Variants in SQSTM1 observed in about 807,000 individuals in gnomAD.
SQSTM1 encodes sequestosome 1.
Under a neutral mutation model 45.1 loss-of-function variants are expected in SQSTM1, and 36 were observed. The ratio of observed to expected loss-of-function variants is 0.80; its 90% CI spans 0.61 to 1.05. The LOEUF is 1.05. Ranked by LOEUF, SQSTM1 falls within the 50% of genes least tolerant of loss-of-function variation. The probability of loss-of-function intolerance (pLI) is 0.00; values close to 1 mark genes in which losing one functional copy is unlikely to be tolerated. For missense variants in SQSTM1, 617 were observed against 607.1 expected, an observed-to-expected ratio of 1.02 and a Z score of -0.17; for synonymous variants, 290 against 244.3, an observed-to-expected ratio of 1.19 and a Z score of -1.74.
chr5:179,832,050 T>C lies in SQSTM1; in HGVS notation c.755-982T>C, dbSNP rs368739474. Reference sequence around the variant, plus strand: ...CGCCCGCCTCGGCCTCCCAAAGTGCTGGGATTACAGGCGTGAGCCACTGCG... The same window carrying C: ...CGCCCGCCTCGGCCTCCCAAAGTGCCGGGATTACAGGCGTGAGCCACTGCG... On this transcript the variant is annotated intron_variant, in intron 5 of 7. Transcript: ENST00000389805. Among the ~76,000 whole-genome samples the C allele has an allele frequency of 2.5e-4, 38 of 152,324 alleles. 2 individuals carry two copies. The highest frequency in any genetic ancestry group is 9.1e-4 in the African/African-American group (38 of 41,576).
chr5:179,812,053 C>T (rs1757439705), intron 2 of SQSTM1: 1 of 152,234 alleles, frequency 6.6e-6, no homozygotes, highest in African/African-American at 2.4e-5. Flanking sequence ...ATCCGCCCGC[C>T]TCGGCCTCCC....
At chr5:179,818,149 GT>G (rs1027083324), upstream of SQSTM1, among the ~76,000 whole-genome samples, 3 of 152,074 alleles carry the variant, frequency 2.0e-5, no homozygotes, top group Non-Finnish European at 4.4e-5. Flanking sequence ...AGTGGAAAGG[GT>G]TTTGGACCAG....
intron 3 of SQSTM1, 22 bp from the exon 4 acceptor site, chr5:179,824,159 CG>C (rs772227351): frequency 2.3e-5 from 37 of 1,613,516 alleles, no homozygotes; most frequent in Non-Finnish European, 2.8e-5. Flanking sequence ...CACTGCCTGC[CG>C]CTCTGCTAAT....
intron 7 of SQSTM1, 182 bp from the exon 8 acceptor site, chr5:179,836,254 A>G (rs905282285): frequency 1.3e-5 from 10 of 774,002 alleles, no homozygotes; most frequent in African/African-American, 1.7e-5. Context: ...AGCAGTGTGA[A>G]AAAGACTGCT....
intron 5 of SQSTM1, among the ~76,000 whole-genome samples, chr5:179,826,142 A>G (rs1582011193): frequency 6.7e-6 from 1 of 150,366 alleles, no homozygotes; most frequent in African/African-American, 2.4e-5. Context: ...CGTGACTGCC[A>G]TCTGCTCCAA....
chr5:179,832,850 G>C (rs1203602598), intron 5 of SQSTM1, among the ~76,000 whole-genome samples, 182 bp from the exon 6 acceptor site: 1 of 152,054 alleles, frequency 6.6e-6, no homozygotes, highest in African/African-American at 2.4e-5. Flanking sequence ...TTGCGGGGTC[G>C]AGCTGGGTAG....
In SQSTM1 at chr5:179,833,165, G is replaced by T. The variant is rs148984239; in HGVS notation, c.888G>T (p.Pro296=). The T allele has an allele frequency of 3.5e-5, 57 of 1,613,940 alleles. No homozygotes were observed. Among genetic ancestry groups the T allele is most frequent in the Middle Eastern group, 1.6e-4 (1 of 6,084 alleles). Residue 296 remains proline, a synonymous_variant, in exon 6 of 8, where the codon CCG becomes CCT. Transcript: ENST00000389805. ...PSSCCSDPSK[P]GGNVEGATQS... ...GCTGCTGCTCTGACCCCAGCAAGCC[G>T]GGTGGGAATGTTGAGGGCGCCACGC...
intron 1 of SQSTM1, 109 bp downstream of exon 1, chr5:179,821,250 G>T: frequency 9.1e-7 from 1 of 1,102,204 alleles, no homozygotes; most frequent in Non-Finnish European, 1.2e-6. Context: ...GCCGTGAGGG[G>T]GTCTGCGCTG....
At chr5:179,829,847 A>T (rs945579158) in intron 5 of SQSTM1, among the ~76,000 whole-genome samples, 1 of 152,132 alleles carries the variant, frequency 6.6e-6, no homozygotes, top group African/African-American at 2.4e-5. Flanking sequence ...TGTAATCCCA[A>T]CACTTTGGGA....
At chr5:179,807,977 C>G (rs1757254037) in intron 1 of SQSTM1, 1 of 152,314 alleles carries the variant, frequency 6.6e-6, no homozygotes, top group African/African-American at 2.4e-5. Context: ...TCAGGCGTTC[C>G]TCAATCCTCT....
chr5:179,817,361 G>A (rs866177329), upstream of SQSTM1, among the ~76,000 whole-genome samples: 11 of 152,018 alleles, frequency 7.2e-5, no homozygotes, highest in South Asian at 1.9e-3. Context: ...TCCCCACTCC[G>A]CGGTTGACGA....
At chr5:179,814,725 A>G (rs149348394), upstream of SQSTM1, among the ~76,000 whole-genome samples, 8 of 152,222 alleles carry the variant, frequency 5.3e-5, no homozygotes, top group Non-Finnish European at 1.2e-4. Context: ...AATTAATCAC[A>G]TGGTCTCACC....
At chr5:179,836,102 G>A (rs1032529490) in intron 7 of SQSTM1, 35 of 444,670 alleles carry the variant, frequency 7.9e-5, no homozygotes, top group Admixed American at 5.9e-4. Context: ...TCTCTTGCAT[G>A]GAGGAGTGTA....
chr5:179,812,996 CCAAAA>C (rs1023418589), intron 2 of SQSTM1: 4 of 106,138 alleles, frequency 3.8e-5, no homozygotes, highest in African/African-American at 1.2e-4. Context: ...CCCCCCCCCC[CCAAAA>C]AAAAAAGAAA....
Position 179,837,716 on chromosome 5 carries a change from GGTGGCAGGACAAATT to G in SQSTM1, c.*1125_*1139del. 2 of 1,614,258 alleles carry G rather than the reference GGTGGCAGGACAAATT, an allele frequency of 1.2e-6. No homozygotes were observed. Among genetic ancestry groups the G allele is most frequent in the South Asian group, 2.2e-5 (2 of 91,088 alleles). ...ACTGTCCACATGTGAACTTTTTCTA[GGTGGCAGGACAAATT>G]GCGCCCATTTAGAGGATGTGGCTGT... On this transcript the variant is annotated 3_prime_UTR_variant, in exon 8 of 8. Coordinates refer to ENST00000389805, the MANE Select transcript of SQSTM1 (RefSeq NM_003900.5).
intron 5 of SQSTM1, 45 bp downstream of exon 5, chr5:179,825,271 C>CT: frequency 6.8e-7 from 1 of 1,470,614 alleles, no homozygotes; most frequent in African/African-American, 1.4e-5. Flanking sequence ...TCAGCCTGCA[C>CT]TTTATGTAAC....
intron 4 of SQSTM1, among the ~76,000 whole-genome samples, chr5:179,824,771 T>G (rs1757927078): frequency 6.6e-6 from 1 of 152,248 alleles, no homozygotes; most frequent in Non-Finnish European, 1.5e-5. Flanking sequence ...TTTATTAATG[T>G]TACTGTGTCC....
Position 179,836,862 on chromosome 5 carries a change from C to T in SQSTM1, c.*269C>T. On this transcript the variant is annotated 3_prime_UTR_variant, in exon 8 of 8. Coordinates refer to ENST00000389805, the MANE Select transcript of SQSTM1 (RefSeq NM_003900.5). ...AAGGCTCACTGCAGCGCGCTCCTGACCCCTCCCTGCAGGGGCTACGTTAGC... is the reference window on the plus strand; with the variant it reads ...AAGGCTCACTGCAGCGCGCTCCTGATCCCTCCCTGCAGGGGCTACGTTAGC... The T allele has an allele frequency of 1.6e-6, 1 of 623,040 alleles. No homozygotes were observed. Among genetic ancestry groups the T allele is most frequent in the Non-Finnish European group, 2.8e-6 (1 of 353,756 alleles). 38.6% of individuals were successfully genotyped at this position (623,040 alleles called of 1,614,324 possible).
In SQSTM1 at chr5:179,836,474, C is replaced by T; in HGVS notation, c.1204C>T (p.Leu402=). 1 of 1,614,210 alleles carries T rather than the reference C, an allele frequency of 6.2e-7. No individual in the cohort carries two copies. The highest frequency in any genetic ancestry group is 8.5e-7 in the Non-Finnish European group (1 of 1,180,038). The change falls in exon 8 of 8, where the codon CTG becomes TTG. Residue 402 remains leucine (L), a synonymous_variant. Transcript: ENST00000389805. ...GCTGATTGAGTCCCTCTCCCAGATG[C>T]TGTCCATGGGCTTCTCTGATGAAGG... ...PRLIESLSQM[L]SMGFSDEGGW...
Sources: gnomAD v4.1 joint callset for allele counts (sites outside exome capture counted in the v4.1 genomes callset) on GRCh38, gnomAD v4.1.1 for gene constraint, MANE v1.5 for transcripts, NCBI Gene and HGNC (gene_info 2026-07-23, HGNC 2026-07-21) for gene names.